Variants in LMO3 observed in about 807,000 individuals in gnomAD.
The protein encoded by LMO3 is LIM domain only 3.
Under a neutral mutation model 15.8 loss-of-function variants are expected in LMO3, and 2 were observed. The observed-to-expected ratio is 0.13, with a 90% CI of 0.05 to 0.40. The LOEUF (loss-of-function observed/expected upper bound fraction) is 0.40, where lower values mean the gene tolerates loss of function less well. Among genes scored for constraint, LMO3 ranks in the 10% least tolerant of loss-of-function variants. The pLI, the probability that LMO3 is intolerant of heterozygous loss-of-function variation, is 0.99. For synonymous variants in LMO3, 62 were observed against 63.8 expected, an observed-to-expected ratio of 0.97 and a Z score of 0.13; for missense variants, 86 against 182.2, an observed-to-expected ratio of 0.47 and a Z score of 3.04.
chr12:16,561,583 T>A (rs1565484958), intron 2 of LMO3, among the ~76,000 whole-genome samples: 2 of 152,204 alleles, frequency 1.3e-5, no homozygotes, highest in African/African-American at 2.4e-5. Flanking sequence ...AATGTACTTT[T>A]AAAAACCTTA....
chr12:16,568,024 A>AT (rs1274694892), intron 2 of LMO3, among the ~76,000 whole-genome samples: 7 of 152,144 alleles, frequency 4.6e-5, no homozygotes, highest in African/African-American at 1.7e-4. Context: ...TAACTGTTTG[A>AT]TTTTTTGGAA....
chr12:16,586,454 G>A lies in LMO3; in HGVS notation c.206+14201C>T, dbSNP rs1591814019. On this transcript the variant is annotated intron_variant, in intron 2 of 3. Transcript: ENST00000537304. The surrounding 1 kb of genome is among the most constrained non-coding windows in gnomAD (Gnocchi z 4.3). ...TCCAACACACAGCTGAGTCACAGAG[G>A]CCCTGGACAATGTGTCTGGACAAAT... Among the ~76,000 whole-genome samples, 1 of 152,124 alleles carries A rather than the reference G, an allele frequency of 6.6e-6. No individual in the cohort carries two copies. Among genetic ancestry groups the A allele is most frequent in the East Asian group, 1.9e-4 (1 of 5,194 alleles).
At chr12:16,564,908 C>T (rs1412439670) in intron 2 of LMO3, among the ~76,000 whole-genome samples, 1 of 152,036 alleles carries the variant, frequency 6.6e-6, no homozygotes, top group Non-Finnish European at 1.5e-5. Context: ...GCCTCAGCTC[C>T]CCAAGTAGCT....
chr12:16,593,835 A>C lies in LMO3; in HGVS notation c.206+6820T>G, dbSNP rs1943566408. ...GCTTCACAGTATAAACTTCCACTTC[A>C]AAATAAGCTTCGTGTAAGCACCTTG... is the stretch of plus-strand genomic sequence containing the variant. On this transcript the variant is annotated intron_variant, in intron 2 of 3. Coordinates refer to ENST00000537304, the MANE Select transcript of LMO3 (RefSeq NM_018640.5). This position sits in a 1 kb window ranked among gnomAD's most constrained non-coding sequence, Gnocchi z 4.2. Among the ~76,000 whole-genome samples the C allele has an allele frequency of 1.3e-5, 2 of 151,808 alleles. No homozygotes were observed. Among genetic ancestry groups the C allele is most frequent in the South Asian group, 4.1e-4 (2 of 4,832 alleles).
At chr12:16,556,537 A>T (rs1942196390) in intron 3 of LMO3, among the ~76,000 whole-genome samples, 1 of 152,238 alleles carries the variant, frequency 6.6e-6, no homozygotes, top group Non-Finnish European at 1.5e-5. Flanking sequence ...TGACTGCTGA[A>T]TACAATTCAC....
intron 1 of LMO3, chr12:16,605,390 G>A (rs1247956725): frequency 1.7e-6 from 2 of 1,194,854 alleles, no homozygotes. Context: ...AGGCACCTTG[G>A]TCCAGGGACC....
chr12:16,560,445 C>A lies in LMO3; in HGVS notation c.300G>T (p.Leu100=), dbSNP rs1212786649. The A allele has an allele frequency of 6.2e-7, 1 of 1,613,794 alleles. No homozygotes were observed. The highest frequency in any genetic ancestry group is 1.1e-5 in the South Asian group (1 of 91,066). ...TACAAAGCTGACATGCAAAGCAGTCCAGGTGGTAAACATTGTCCTTGGCAC... is the reference window on the plus strand; with the variant it reads ...TACAAAGCTGACATGCAAAGCAGTCAAGGTGGTAAACATTGTCCTTGGCAC... ...VMRAKDNVYH[L]DCFACQLCNQ... Residue 100 remains leucine (L), a synonymous_variant, in exon 3 of 4, where the codon CTG becomes CTT. Transcript: ENST00000537304. The surrounding 1 kb of genome is among the most constrained non-coding windows in gnomAD (Gnocchi z 5.0).
intron 2 of LMO3, among the ~76,000 whole-genome samples, chr12:16,561,058 T>C (rs559356864): frequency 9.9e-5 from 15 of 152,248 alleles, no homozygotes; most frequent in Admixed American, 9.2e-4. Context: ...TATGGCTCTA[T>C]ACCATAGTTA....
rs1391433289 is a variant in LMO3, at chr12:16,591,204, G to A, written c.206+9451C>T. The stretch of plus-strand genomic sequence containing the variant: ...GCCCCTCCTGCTCTCCCACACCCCA[G>A]CTGCACTAGTATCTGTGATGTCCTT... On this transcript the variant is annotated intron_variant, in intron 2 of 3. Coordinates refer to ENST00000537304, the MANE Select transcript of LMO3 (RefSeq NM_018640.5). The surrounding 1 kb of genome is among the most constrained non-coding windows in gnomAD (Gnocchi z 4.1). Among the ~76,000 whole-genome samples, 1 of 151,876 alleles carries A rather than the reference G, an allele frequency of 6.6e-6. No homozygotes were observed. Among genetic ancestry groups the A allele is most frequent in the Non-Finnish European group, 1.5e-5 (1 of 67,926 alleles).
rs971094513 is a variant in LMO3 at position 16,560,628 on chromosome 12, G to A, written c.207-90C>T. 11 of 1,145,046 alleles carry A rather than the reference G, an allele frequency of 9.6e-6. No individual in the cohort carries two copies. Among genetic ancestry groups the A allele is most frequent in the Non-Finnish European group, 1.4e-5 (11 of 790,552 alleles). The allele number at this position is 1,145,046 out of a possible 1,614,324, so 70.9% of individuals were successfully genotyped here. A position where few individuals can be genotyped will look rare whatever the true frequency, so the allele number is the denominator to read the frequency against. On this transcript the variant is annotated intron_variant, in intron 2 of 3. Transcript: ENST00000537304. The surrounding 1 kb of genome is among the most constrained non-coding windows in gnomAD (Gnocchi z 5.0). ...AGATGATGTTAATATACTCTGTAAA[G>A]CTACAATACACAATGCTTTATGATG...
rs913332931 is a variant in LMO3 at position 16,598,483 on chromosome 12, T to C, written c.206+2172A>G. ...CGGAAATCGTACTCTGAGAAATGAA[T>C]ATATTGGCAATCAGGACCAGGGTTT... On this transcript the variant is annotated intron_variant, in intron 2 of 3. Coordinates refer to ENST00000537304, the MANE Select transcript of LMO3 (RefSeq NM_018640.5). This position sits in a 1 kb window ranked among gnomAD's most constrained non-coding sequence, Gnocchi z 4.3. 1.3e-5 allele frequency: 2 copies of C among 152,116 alleles called. No homozygotes were observed. The highest frequency in any genetic ancestry group is 2.9e-5 in the Non-Finnish European group (2 of 68,016). 9.4% of individuals were successfully genotyped at this position (152,116 alleles called of 1,614,324 possible). A position where few individuals can be genotyped will look rare whatever the true frequency, so the allele number is the denominator to read the frequency against.
At chr12:16,573,321 C>CA (rs1229835346) in intron 2 of LMO3, among the ~76,000 whole-genome samples, 1 of 152,064 alleles carries the variant, frequency 6.6e-6, no homozygotes, top group Non-Finnish European at 1.5e-5. Flanking sequence ...ATTTTGAACT[C>CA]AGACATATTG....
rs1943902159 is a variant in LMO3 at position 16,603,796 on chromosome 12, TAACAC to T, written c.-9+2265_-9+2269del. On this transcript the variant is annotated intron_variant, in intron 1 of 3. Coordinates refer to ENST00000537304, the MANE Select transcript of LMO3 (RefSeq NM_018640.5). This position sits in a 1 kb window ranked among gnomAD's most constrained non-coding sequence, Gnocchi z 4.9. ...TCCGCACAGTCTCAGCTTCAGTAGTTAACACAACAAAGTAACCACAACTCCACAAC... is the reference window on the plus strand; with the variant it reads ...TCCGCACAGTCTCAGCTTCAGTAGTTAACAAAGTAACCACAACTCCACAAC... Among the ~76,000 whole-genome samples, 1 of 152,094 alleles carries T rather than the reference TAACAC, an allele frequency of 6.6e-6. No individual in the cohort carries two copies.
At chr12:16,551,903 T>G (rs2137250120) in intron 3 of LMO3, among the ~76,000 whole-genome samples, 1 of 152,160 alleles carries the variant, frequency 6.6e-6, no homozygotes, top group East Asian at 1.9e-4. Flanking sequence ...CATCAGATTC[T>G]GATGCTGAGC....
At chr12:16,565,545 TAAAG>T (rs781634923) in intron 2 of LMO3, among the ~76,000 whole-genome samples, 2 of 152,128 alleles carry the variant, frequency 1.3e-5, no homozygotes, top group African/African-American at 2.4e-5. Context: ...TTATGAAAGT[TAAAG>T]AAAAGTAAAA....
In LMO3 at chr12:16,604,926, G is replaced by T; in HGVS notation, c.-9+1140C>A. ...GGCGTGTCTGAGTTGCAGCAGCTTCGCATTGAGCACCAAACCCAAAGGTAG... is the reference window on the plus strand; with the variant it reads ...GGCGTGTCTGAGTTGCAGCAGCTTCTCATTGAGCACCAAACCCAAAGGTAG... On this transcript the variant is annotated intron_variant, in intron 1 of 3. Transcript: ENST00000537304. This position sits in a 1 kb window ranked among gnomAD's most constrained non-coding sequence, Gnocchi z 5.3. 6.3e-7 allele frequency: 1 copy of T among 1,598,368 alleles called. No individual in the cohort carries two copies. Among genetic ancestry groups the T allele is most frequent in the Non-Finnish European group, 8.5e-7 (1 of 1,179,786 alleles).
At chr12:16,605,997 C>T in intron 1 of LMO3, 69 bp downstream of exon 1, 2 of 621,632 alleles carry the variant, frequency 3.2e-6, no homozygotes, top group Non-Finnish European at 2.8e-6. Flanking sequence ...TCCGCACACG[C>T]ACGCGCGCAC....
rs1943003371 is a variant in LMO3 at position 16,576,606 on chromosome 12, A to T, written c.207-16068T>A. ...TTACGTACCTGTTTGTCTCTTTCTC[A>T]CTACATAATAAGCTCCCTGAAAACT... is the stretch of plus-strand genomic sequence containing the variant. On this transcript the variant is annotated intron_variant, in intron 2 of 3. Coordinates refer to ENST00000537304, the MANE Select transcript of LMO3 (RefSeq NM_018640.5). This position sits in a 1 kb window ranked among gnomAD's most constrained non-coding sequence, Gnocchi z 4.1. 6.6e-6 allele frequency among the ~76,000 whole-genome samples: 1 copy of T among 152,070 alleles called. No homozygotes were observed. Among genetic ancestry groups the T allele is most frequent in the Non-Finnish European group, 1.5e-5 (1 of 68,026 alleles).
chr12:16,581,382 A>G (rs531406502), intron 2 of LMO3, among the ~76,000 whole-genome samples: 33 of 152,328 alleles, frequency 2.2e-4, no homozygotes, highest in African/African-American at 7.9e-4. Flanking sequence ...ATAATACTGT[A>G]GTTCCCAAGG....
Sources: gnomAD v4.1 joint callset for allele counts (sites outside exome capture counted in the v4.1 genomes callset) on GRCh38, gnomAD v4.1.1 for gene constraint, Gnocchi (gnomAD v3.1) non-coding constraint, MANE v1.5 for transcripts, NCBI Gene and HGNC (gene_info 2026-07-23, HGNC 2026-07-21) for gene names.